GPC5: variants seen among roughly 807,000 people sequenced by gnomAD.
GPC5 encodes the protein glypican 5, also known as glypican-5.
Under a neutral mutation model 53.9 loss-of-function variants are expected in GPC5, and 47 were observed. That is an observed-to-expected ratio of 0.87 (90% CI 0.69 to 1.11). GPC5 has a LOEUF of 1.11. Among genes scored for constraint, GPC5 ranks in the 50% most tolerant of loss-of-function variants. GPC5 has a pLI of 0.00. For synonymous variants in GPC5, 286 were observed against 263.3 expected, an observed-to-expected ratio of 1.09 and a Z score of -0.84; for missense variants, 748 against 713.1, an observed-to-expected ratio of 1.05 and a Z score of -0.56.
At chr13:92,512,772 C>A (rs1880622182) in intron 7 of GPC5, among the ~76,000 whole-genome samples, 2 of 152,166 alleles carry the variant, frequency 1.3e-5, no homozygotes, top group Admixed American at 1.3e-4. Context: ...TTAATTTATG[C>A]TCAATTAACA....
intron 6 of GPC5, among the ~76,000 whole-genome samples, chr13:91,935,989 T>G (rs1285472881): frequency 1.3e-5 from 2 of 151,940 alleles, no homozygotes; most frequent in Non-Finnish European, 2.9e-5. Flanking sequence ...ATGAGATCCT[T>G]ACAAATATTA....
intron 7 of GPC5, among the ~76,000 whole-genome samples, chr13:92,516,409 T>A (rs566159685): frequency 3.3e-5 from 5 of 152,278 alleles, no homozygotes; most frequent in African/African-American, 1.2e-4. Context: ...GACCCACTAA[T>A]GCACTTGATA....
At chr13:92,615,553 T>C (rs567180428) in intron 7 of GPC5, among the ~76,000 whole-genome samples, 56 of 152,194 alleles carry the variant, frequency 3.7e-4, no homozygotes, top group Non-Finnish European at 6.8e-4. Flanking sequence ...AGAAGTTATA[T>C]AGCCTTCCTG....
At chr13:91,835,132 T>G (rs2038708659) in intron 5 of GPC5, among the ~76,000 whole-genome samples, 1 of 151,926 alleles carries the variant, frequency 6.6e-6, no homozygotes, top group African/African-American at 2.4e-5. Flanking sequence ...AAGAAACATA[T>G]GAAATCTCAT....
rs879904001 is a variant in GPC5 at position 92,385,445 on chromosome 13, CATATAT to C, written c.1561+240458_1561+240463del. On this transcript the variant is annotated intron_variant, in intron 7 of 7. Transcript: ENST00000377067. ...ACATATATACATATATACATATATA[CATATAT>C]ACATATATACACATATATACATATA... Among the ~76,000 whole-genome samples the C allele has an allele frequency of 6.2e-4, 52 of 83,236 alleles. 2 individuals are homozygous for C. Among genetic ancestry groups the C allele is most frequent in the African/African-American group, 1.6e-3 (38 of 23,156 alleles). The allele number at this position is 83,236 out of a possible 152,430, so 54.6% of individuals were successfully genotyped here.
intron 6 of GPC5, among the ~76,000 whole-genome samples, chr13:92,051,997 A>G (rs932041563): frequency 1.3e-5 from 2 of 152,196 alleles, no homozygotes; most frequent in Non-Finnish European, 2.9e-5. Flanking sequence ...ATCAATTTTG[A>G]AATATATTCC....
intron 7 of GPC5, among the ~76,000 whole-genome samples, chr13:92,802,265 C>T (rs907245608): frequency 6.6e-6 from 1 of 151,802 alleles, no homozygotes; most frequent in African/African-American, 2.4e-5. Flanking sequence ...GAGCAATAGC[C>T]TAGGTAGGCT....
chr13:92,705,800 A>G (rs1566374556), intron 7 of GPC5, among the ~76,000 whole-genome samples: 1 of 152,112 alleles, frequency 6.6e-6, no homozygotes, highest in East Asian at 1.9e-4. Context: ...AAAAGGCAAT[A>G]AAGGGCTGGG....
intron 7 of GPC5, among the ~76,000 whole-genome samples, chr13:92,408,230 T>C (rs1875878683): frequency 6.6e-6 from 1 of 152,198 alleles, no homozygotes; most frequent in South Asian, 2.1e-4. Flanking sequence ...TGTCACTGTC[T>C]CCCATCATCC....
At chr13:91,780,720 T>C (rs990955731) in intron 5 of GPC5, among the ~76,000 whole-genome samples, 1 of 152,230 alleles carries the variant, frequency 6.6e-6, no homozygotes, top group African/African-American at 2.4e-5. Flanking sequence ...TCTTTTGTAG[T>C]AAAATTTTTA....
intron 2 of GPC5, among the ~76,000 whole-genome samples, chr13:91,685,031 A>G (rs1416489096): frequency 6.6e-6 from 1 of 152,116 alleles, no homozygotes; most frequent in Non-Finnish European, 1.5e-5. Context: ...TGAGGCTTCC[A>G]CTTGAATGTT....
At chr13:92,402,185 A>G (rs1875588404) in intron 7 of GPC5, among the ~76,000 whole-genome samples, 1 of 152,176 alleles carries the variant, frequency 6.6e-6, no homozygotes, top group African/African-American at 2.4e-5. Flanking sequence ...GTATTGGATA[A>G]TATTATTTTA....
chr13:91,462,709 G>A (rs907842880), intron 2 of GPC5, among the ~76,000 whole-genome samples: 5 of 151,862 alleles, frequency 3.3e-5, no homozygotes, highest in African/African-American at 1.2e-4. Context: ...TACTTAGGAC[G>A]GGTGGGTCAA....
intron 6 of GPC5, among the ~76,000 whole-genome samples, chr13:92,009,932 C>CT (rs1349272311): frequency 6.6e-6 from 1 of 152,088 alleles, no homozygotes; most frequent in East Asian, 1.9e-4. Context: ...GGTATATAGT[C>CT]TAAGTCCAGA....
intron 6 of GPC5, among the ~76,000 whole-genome samples, chr13:92,017,361 T>C (rs1443890158): frequency 6.6e-6 from 1 of 152,168 alleles, no homozygotes; most frequent in African/African-American, 2.4e-5. Flanking sequence ...CCTGTACTCA[T>C]TGGTCATCCC....
At chr13:92,119,913 A>G (rs1267569103) in intron 6 of GPC5, among the ~76,000 whole-genome samples, 3 of 152,142 alleles carry the variant, frequency 2.0e-5, no homozygotes, top group African/African-American at 7.2e-5. Flanking sequence ...AGGAAAAAGC[A>G]CTGGGTCTAT....
chr13:92,486,188 T>C (rs60303778), intron 7 of GPC5, among the ~76,000 whole-genome samples: 5,900 of 152,216 alleles, frequency 0.039, 212 homozygotes, highest in African/African-American at 0.098. Context: ...AAACATTTAA[T>C]GCTGGTTAAA....
intron 7 of GPC5, among the ~76,000 whole-genome samples, chr13:92,592,640 T>C (rs1457719786): frequency 2.0e-5 from 3 of 151,176 alleles, no homozygotes; most frequent in South Asian, 2.1e-4. Context: ...GAAAACAAGG[T>C]AGATTTGCTG....
At chr13:91,783,810 A>T (rs2037835954) in intron 5 of GPC5, among the ~76,000 whole-genome samples, 1 of 152,174 alleles carries the variant, frequency 6.6e-6, no homozygotes, top group Non-Finnish European at 1.5e-5. Context: ...ATTTGTGTTA[A>T]AAGTTCTACT....
Sources: allele counts gnomAD v4.1 joint callset (sites outside exome capture counted in the v4.1 genomes callset), GRCh38; gene constraint gnomAD v4.1.1; transcripts MANE v1.5; gene names NCBI Gene and HGNC (gene_info 2026-07-23, HGNC 2026-07-21).